The following JAK2 variants were observed in gnomAD, a reference collection of about 807,000 sequenced individuals.
The protein encoded by JAK2 is Janus kinase 2, also known as tyrosine-protein kinase JAK2.
Under a neutral mutation model 139.3 loss-of-function variants are expected in JAK2, and 86 were observed. The observed-to-expected ratio is 0.62, with a 90% CI of 0.52 to 0.74. JAK2 has a LOEUF of 0.74. Among genes scored for constraint, JAK2 ranks in the 30% least tolerant of loss-of-function variants. The pLI is 0.00. For synonymous variants in JAK2, 490 were observed against 437.7 expected, an observed-to-expected ratio of 1.12 and a Z score of -1.49; for missense variants, 1,421 against 1,360.3, an observed-to-expected ratio of 1.04 and a Z score of -0.70.
intron 19 of JAK2, 58 bp from the exon 20 acceptor site, chr9:5,089,612 AATTT>A (rs1820415063): frequency 2.7e-6 from 2 of 733,572 alleles, no homozygotes; most frequent in Non-Finnish European, 2.0e-6. Flanking sequence ...ATAATTATAA[AATTT>A]ATTTGTAATT....
At chr9:5,010,416 G>A (rs931420680) in intron 2 of JAK2, among the ~76,000 whole-genome samples, 5 of 152,032 alleles carry the variant, frequency 3.3e-5, no homozygotes, top group African/African-American at 1.2e-4. Flanking sequence ...TGCCTTCGGG[G>A]TTCAAGCAAT....
chr9:5,021,939 T>C, intron 2 of JAK2, 24 bp from the exon 3 acceptor site: 2 of 1,421,400 alleles, frequency 1.4e-6, no homozygotes, highest in Non-Finnish European at 2.0e-6. Flanking sequence ...AGCCCATTTG[T>C]AACTTTATTG....
chr9:5,076,943 T>C (rs576924809), intron 14 of JAK2, among the ~76,000 whole-genome samples: 3 of 140,544 alleles, frequency 2.1e-5, no homozygotes, highest in Non-Finnish European at 4.8e-5. Flanking sequence ...TATATATTTT[T>C]TTAAAAAAGT....
intron 22 of JAK2, chr9:5,112,679 G>A: frequency 1.1e-6 from 1 of 940,072 alleles, no homozygotes; most frequent in African/African-American, 1.7e-5. Context: ...GGCCGTCTCG[G>A]TCATCCTGAA....
At chr9:5,105,833 A>T (rs1032830360) in intron 22 of JAK2, among the ~76,000 whole-genome samples, 24 of 152,364 alleles carry the variant, frequency 1.6e-4, no homozygotes, top group Admixed American at 1.1e-3. Context: ...TATTTAATAA[A>T]TGGTGCTGGG....
At chr9:5,100,156 A>G (rs1821355183) in intron 22 of JAK2, 1 of 152,172 alleles carries the variant, frequency 6.6e-6, no homozygotes, top group Non-Finnish European at 1.5e-5. Context: ...CCTACTGACT[A>G]TTCTCAAATT....
At chr9:4,989,283 C>G (rs750995584) in intron 2 of JAK2, among the ~76,000 whole-genome samples, 2 of 152,076 alleles carry the variant, frequency 1.3e-5, no homozygotes, top group Non-Finnish European at 2.9e-5. Flanking sequence ...TGCCCATGTT[C>G]TCCATCCCTC....
chr9:5,035,389 C>G (rs977220285), intron 4 of JAK2, among the ~76,000 whole-genome samples: 5 of 152,242 alleles, frequency 3.3e-5, no homozygotes, highest in African/African-American at 1.2e-4. Flanking sequence ...TTTATGAGGC[C>G]AGCATCATCC....
chr9:4,999,789 G>A (rs1479777018), intron 2 of JAK2, among the ~76,000 whole-genome samples: 3 of 152,192 alleles, frequency 2.0e-5, no homozygotes, highest in African/African-American at 4.8e-5. Flanking sequence ...TGTTGGCTAA[G>A]TTGCCACAAT....
intron 19 of JAK2, among the ~76,000 whole-genome samples, chr9:5,087,048 T>C (rs1232233238): frequency 6.6e-6 from 1 of 152,218 alleles, no homozygotes; most frequent in African/African-American, 2.4e-5. Flanking sequence ...AAAAATCAGA[T>C]ATAAATCTTT....
At chr9:4,993,286 T>C (rs1352220850) in intron 2 of JAK2, among the ~76,000 whole-genome samples, 3 of 152,224 alleles carry the variant, frequency 2.0e-5, no homozygotes, top group Non-Finnish European at 2.9e-5. Context: ...GATTTAGATC[T>C]TAAGAAAGGA....
Position 5,090,765 on chromosome 9 carries a change from G to A in JAK2, c.2913G>A (p.Arg971=). The A allele has an allele frequency of 6.2e-7, 1 of 1,608,242 alleles. No homozygotes were observed. The highest frequency in any genetic ancestry group is 1.1e-5 in the South Asian group (1 of 89,246). Residue 971 remains arginine (R), a synonymous_variant, in exon 22 of 25, where the codon AGG becomes AGA. Transcript: ENST00000381652. ...GTATGGAGTATCTTGGTACAAAAAG[G>A]TATATCCACAGGGATCTGGCAACGA... is the stretch of plus-strand genomic sequence containing the variant. The part of the protein sequence containing the change: ...CKGMEYLGTK[R]YIHRDLATRN...
At chr9:5,095,329 A>AT (rs1167988782) in intron 22 of JAK2, among the ~76,000 whole-genome samples, 13 of 152,114 alleles carry the variant, frequency 8.5e-5, no homozygotes, top group African/African-American at 2.9e-4. Context: ...AGGCCTAGGA[A>AT]TAAATATAGT....
Position 5,010,446 on chromosome 9 carries a change from G to A in JAK2, c.-25-11517G>A, listed in dbSNP as rs372091259. On this transcript the variant is annotated intron_variant, in intron 2 of 24. Transcript: ENST00000381652. ...AGCAATTCTCCTGCCTCAGCCTCCCGTGTAGCTGGGATTACAGGCGTGTAC... is the reference window on the plus strand; with the variant it reads ...AGCAATTCTCCTGCCTCAGCCTCCCATGTAGCTGGGATTACAGGCGTGTAC... Among the ~76,000 whole-genome samples the A allele has an allele frequency of 3.6e-3, 542 of 151,812 alleles. 3 individuals carry two copies. The highest frequency in any genetic ancestry group is 0.012 in the African/African-American group (517 of 41,374).
At position 5,092,277 on chromosome 9, in the gene JAK2, C is replaced by T. The variant is rs565204060; in HGVS notation, c.3059+1366C>T. Among the ~76,000 whole-genome samples, 7 of 151,990 alleles carry T rather than the reference C, an allele frequency of 4.6e-5. No individual in the cohort carries two copies. In the East Asian group the frequency reaches 7.7e-4, roughly 17 times the overall value. On this transcript the variant is annotated intron_variant, in intron 22 of 24. Coordinates refer to ENST00000381652, the MANE Select transcript of JAK2 (RefSeq NM_004972.4). ...GCTTGGTTGAGGTTGAATAAGGCCA[C>T]GAAGCACGCACACACTGCCTGTCAC...
At chr9:5,008,467 G>A (rs77210986) in intron 2 of JAK2, among the ~76,000 whole-genome samples, 437 of 152,282 alleles carry the variant, frequency 2.9e-3, no homozygotes, top group African/African-American at 1.0e-2. Flanking sequence ...GAAAGTATGA[G>A]ATAGTTGTCT....
chr9:5,005,414 C>T (rs1563920376), intron 2 of JAK2, among the ~76,000 whole-genome samples: 1 of 151,822 alleles, frequency 6.6e-6, no homozygotes, highest in Non-Finnish European at 1.5e-5. Flanking sequence ...ATAGGTTGTC[C>T]CTTCACTCTG....
At chr9:5,056,920 T>G (rs778145837) in intron 8 of JAK2, among the ~76,000 whole-genome samples, 1 of 152,192 alleles carries the variant, frequency 6.6e-6, no homozygotes, top group Non-Finnish European at 1.5e-5. Flanking sequence ...CTATTTAAAC[T>G]CAAATGCATG....
At chr9:5,091,984 G>T (rs898393527) in intron 22 of JAK2, among the ~76,000 whole-genome samples, 1 of 152,110 alleles carries the variant, frequency 6.6e-6, no homozygotes, top group Non-Finnish European at 1.5e-5. Context: ...GGAATCCGGC[G>T]AAGATACTGC....
Sources: gnomAD v4.1 joint callset for allele counts (sites outside exome capture counted in the v4.1 genomes callset) on GRCh38, gnomAD v4.1.1 for gene constraint, MANE v1.5 for transcripts, NCBI Gene and HGNC (gene_info 2026-07-23, HGNC 2026-07-21) for gene names.